SPIDR: variants seen among roughly 807,000 people sequenced by gnomAD.
SPIDR encodes the protein DNA repair-scaffolding protein.
SPIDR carries 93 observed loss-of-function variants against 104.6 expected under a neutral mutation model. The ratio of observed to expected loss-of-function variants is 0.89; its 90% CI spans 0.75 to 1.06. The LOEUF is 1.06. SPIDR is among the 50% of genes least tolerant of loss of function. The probability of loss-of-function intolerance (pLI) is 0.00; values close to 1 mark genes in which losing one functional copy is unlikely to be tolerated. For missense variants in SPIDR, 1,154 were observed against 1,111.2 expected, an observed-to-expected ratio of 1.04 and a Z score of -0.55; for synonymous variants, 431 against 416.9, an observed-to-expected ratio of 1.03 and a Z score of -0.41.
chr8:47,633,101 C>T (rs991543516), intron 10 of SPIDR, among the ~76,000 whole-genome samples: 1 of 152,206 alleles, frequency 6.6e-6, no homozygotes, highest in Non-Finnish European at 1.5e-5. Flanking sequence ...TTCACTCTAA[C>T]GGAAACTACC....
rs569663095 is a variant in SPIDR at position 47,374,981 on chromosome 8, G to T, written c.526-21395G>T. Among the ~76,000 whole-genome samples, 4 of 152,128 alleles carry T rather than the reference G, an allele frequency of 2.6e-5. No individual in the cohort carries two copies. In the South Asian group the frequency reaches 8.3e-4, roughly 32 times the overall value. On this transcript the variant is annotated intron_variant, in intron 5 of 19. Coordinates refer to ENST00000297423, the MANE Select transcript of SPIDR (RefSeq NM_001080394.4). ...TGAGGCAGGAGATCACTTGAACCCG[G>T]GCAGTGGAGGTTGCAGTGAGCCGAG...
At chr8:47,345,477 C>T (rs1358869931) in intron 5 of SPIDR, among the ~76,000 whole-genome samples, 2 of 151,976 alleles carry the variant, frequency 1.3e-5, no homozygotes, top group African/African-American at 2.4e-5. Context: ...AACGCTAAAA[C>T]ACTTTTTTTC....
At chr8:47,543,717 C>T (rs534858532) in intron 8 of SPIDR, among the ~76,000 whole-genome samples, 1 of 152,130 alleles carries the variant, frequency 6.6e-6, no homozygotes, top group Admixed American at 6.6e-5. Context: ...ATTTTTGGCC[C>T]TCTGGCATCA....
At chr8:47,267,055 A>G (rs1484780029) in intron 1 of SPIDR, among the ~76,000 whole-genome samples, 1 of 152,244 alleles carries the variant, frequency 6.6e-6, no homozygotes, top group Non-Finnish European at 1.5e-5. Context: ...TGCATGTATC[A>G]GTACTTCATT....
At chr8:47,591,548 T>C (rs1256183195) in intron 8 of SPIDR, among the ~76,000 whole-genome samples, 1 of 152,088 alleles carries the variant, frequency 6.6e-6, no homozygotes, top group African/African-American at 2.4e-5. Flanking sequence ...ACAAGCTTTT[T>C]TTGAAGGGGG....
At chr8:47,543,780 G>T (rs2088712807) in intron 8 of SPIDR, among the ~76,000 whole-genome samples, 2 of 152,206 alleles carry the variant, frequency 1.3e-5, no homozygotes, top group African/African-American at 2.4e-5. Context: ...CTGCTAGTCA[G>T]TTAGAACTGG....
chr8:47,704,150 A>C (rs1207616311), intron 14 of SPIDR, among the ~76,000 whole-genome samples: 1 of 152,250 alleles, frequency 6.6e-6, no homozygotes, highest in Non-Finnish European at 1.5e-5. Flanking sequence ...TGGATTAGCT[A>C]GTGCTTGCCA....
chr8:47,371,325 G>C (rs902760476), intron 5 of SPIDR, among the ~76,000 whole-genome samples: 4 of 152,118 alleles, frequency 2.6e-5, no homozygotes, highest in African/African-American at 9.7e-5. Context: ...CCTGGGCTCA[G>C]ACAGCCAGGT....
At chr8:47,734,682 T>TTGATCTATAATGGGG (rs1471199121) in intron 19 of SPIDR, among the ~76,000 whole-genome samples, 2 of 152,180 alleles carry the variant, frequency 1.3e-5, no homozygotes, top group Non-Finnish European at 2.9e-5. Context: ...ATTCTGCAGC[T>TTGATCTATAATGGGG]TGATCTATAA....
chr8:47,423,185 C>T (rs782275835), intron 7 of SPIDR, among the ~76,000 whole-genome samples: 1 of 151,732 alleles, frequency 6.6e-6, no homozygotes, highest in Non-Finnish European at 1.5e-5. Context: ...GTAATCCCAG[C>T]TACTCGGGAG....
chr8:47,541,697 G>A (rs1329290210), intron 8 of SPIDR, among the ~76,000 whole-genome samples: 1 of 152,172 alleles, frequency 6.6e-6, no homozygotes, highest in Non-Finnish European at 1.5e-5. Flanking sequence ...AGGAGTTCAA[G>A]ACCAGCCTAG....
In SPIDR at chr8:47,284,755, C is replaced by T. The variant is rs911967063; in HGVS notation, c.256+661C>T. 1.6e-4 allele frequency among the ~76,000 whole-genome samples: 25 copies of T among 152,266 alleles called. 1 individual carries two copies. Among genetic ancestry groups the T allele is most frequent in the South Asian group, 4.2e-4 (2 of 4,818 alleles). ...TTTGCCTTTCCTTTGGGAAGGAATG[C>T]GCTTCCCAGTACCTCTACCTTTGAC... On this transcript the variant is annotated intron_variant, in intron 3 of 19. Transcript: ENST00000297423.
At chr8:47,649,681 G>T (rs530856327) in intron 10 of SPIDR, among the ~76,000 whole-genome samples, 1 of 152,244 alleles carries the variant, frequency 6.6e-6, no homozygotes, top group East Asian at 1.9e-4. Flanking sequence ...ATTTGGGAAT[G>T]AAGGGGTATC....
intron 10 of SPIDR, chr8:47,659,753 C>G: frequency 1.0e-6 from 1 of 983,020 alleles, no homozygotes; most frequent in Non-Finnish European, 1.2e-6. Flanking sequence ...TCACTTCATC[C>G]TCTGATTTCT....
intron 5 of SPIDR, among the ~76,000 whole-genome samples, chr8:47,344,154 T>G (rs1184617646): frequency 2.8e-5 from 4 of 141,110 alleles, no homozygotes; most frequent in African/African-American, 1.0e-4. Context: ...GTGTGTGATA[T>G]TCCCCACGCT....
chr8:47,438,255 G>T (rs2068731629), intron 7 of SPIDR, among the ~76,000 whole-genome samples: 1 of 152,186 alleles, frequency 6.6e-6, no homozygotes, highest in Non-Finnish European at 1.5e-5. Flanking sequence ...GTCAGTGGGA[G>T]ACAGGGGAGG....
At chr8:47,442,278 T>G (rs1192187731) in intron 8 of SPIDR, among the ~76,000 whole-genome samples, 4 of 152,212 alleles carry the variant, frequency 2.6e-5, no homozygotes, top group Non-Finnish European at 2.9e-5. Context: ...TGTTAATAAT[T>G]TGGAGTATAA....
chr8:47,487,158 C>G (rs2077779356), intron 8 of SPIDR, among the ~76,000 whole-genome samples: 1 of 142,598 alleles, frequency 7.0e-6, no homozygotes, highest in East Asian at 2.1e-4. Context: ...GGAGGAAGAT[C>G]TACCAAGCAA....
intron 5 of SPIDR, among the ~76,000 whole-genome samples, chr8:47,355,271 TA>T (rs34902790): frequency 0.19 from 21,567 of 116,550 alleles, 2,188 homozygotes; most frequent in South Asian, 0.38. Flanking sequence ...AGGTTTTTTG[TA>T]AAAAAAAAAA....
Sources: allele counts gnomAD v4.1 joint callset (sites outside exome capture counted in the v4.1 genomes callset), GRCh38; gene constraint gnomAD v4.1.1; transcripts MANE v1.5; gene names NCBI Gene and HGNC (gene_info 2026-07-23, HGNC 2026-07-21).